SFI1: variants seen among roughly 807,000 people sequenced by gnomAD.
SFI1 encodes protein SFI1 homolog.
Under a neutral mutation model 207.5 loss-of-function variants are expected in SFI1, and 195 were observed. The observed-to-expected ratio is 0.94, with a 90% CI of 0.84 to 1.06. The LOEUF is 1.06. Ranked by LOEUF, SFI1 falls within the 50% of genes least tolerant of loss-of-function variation. The pLI is 0.00. For synonymous variants in SFI1, 630 were observed against 598.9 expected, an observed-to-expected ratio of 1.05 and a Z score of -0.76; for missense variants, 1,634 against 1,588.0, an observed-to-expected ratio of 1.03 and a Z score of -0.49.
chr22:31,596,109 G>A (rs184900996), intron 15 of SFI1, among the ~76,000 whole-genome samples: 9 of 152,092 alleles, frequency 5.9e-5, no homozygotes, highest in East Asian at 1.9e-4. Flanking sequence ...AAAAATTAGC[G>A]GGGCGTGGTG....
At chr22:31,601,071 G>C (rs1221351089) in intron 15 of SFI1, among the ~76,000 whole-genome samples, 1 of 151,090 alleles carries the variant, frequency 6.6e-6, no homozygotes, top group Non-Finnish European at 1.5e-5. Flanking sequence ...ATGGTGATCT[G>C]TAGGCCTAGG....
At chr22:31,611,463 C>T (rs946521021) in intron 23 of SFI1, among the ~76,000 whole-genome samples, 160 bp downstream of exon 23, 2 of 152,196 alleles carry the variant, frequency 1.3e-5, no homozygotes, top group Non-Finnish European at 2.9e-5. Flanking sequence ...GCTGCAGGAG[C>T]CTTTCTGGGC....
rs540721879 is a variant in SFI1, at chr22:31,613,308, G to A, written c.2566-46G>A. On this transcript the variant is annotated intron_variant, in intron 25 of 32. Transcript: ENST00000400288. Reference sequence around the variant, plus strand: ...GGGAGGGCACCTGGTCTGTGGGGGAGCTCTAAGCAGGGAGACCTGGGCCTC... The same window carrying A: ...GGGAGGGCACCTGGTCTGTGGGGGAACTCTAAGCAGGGAGACCTGGGCCTC... 9 of 1,603,938 alleles carry A rather than the reference G, an allele frequency of 5.6e-6. No individual in the cohort carries two copies. The South Asian group carries it at 8.8e-5, about 16-fold the overall frequency.
At position 31,604,960 on chromosome 22, in the gene SFI1, C is replaced by A. The variant is rs368746019; in HGVS notation, c.2054+15C>A. ...CAGCTGCTGCGGTGAGTCTCCCGGG[C>A]GCCTCCCAAGCTCCAGCTGGGGAAC... On this transcript the variant is annotated intron_variant, in intron 20 of 32. Coordinates refer to ENST00000400288, the MANE Select transcript of SFI1 (RefSeq NM_001007467.3). 2 of 1,583,272 alleles carry A rather than the reference C, an allele frequency of 1.3e-6. No individual in the cohort carries two copies. Among genetic ancestry groups the A allele is most frequent in the South Asian group, 2.3e-5 (2 of 87,100 alleles).
chr22:31,597,331 T>C (rs2067300070), intron 15 of SFI1, among the ~76,000 whole-genome samples: 2 of 152,154 alleles, frequency 1.3e-5, no homozygotes, highest in African/African-American at 4.8e-5. Context: ...TGCAGGACGG[T>C]GTAGGCCTGA....
intron 3 of SFI1, among the ~76,000 whole-genome samples, chr22:31,530,048 T>C (rs2058322764): frequency 6.6e-6 from 1 of 150,504 alleles, no homozygotes; most frequent in Non-Finnish European, 1.5e-5. Context: ...CAGGTGCCTG[T>C]AGTCGCAGAT....
intron 4 of SFI1, chr22:31,538,710 C>T (rs1370490248): frequency 6.6e-6 from 1 of 152,186 alleles, no homozygotes; most frequent in Non-Finnish European, 1.5e-5. Flanking sequence ...GAATACCTTT[C>T]TTCTCCCAGG....
In SFI1 at chr22:31,517,168, A is replaced by AT. The variant is rs539042269; in HGVS notation, c.92+8795dup. On this transcript the variant is annotated intron_variant, in intron 2 of 32. Coordinates refer to ENST00000400288, the MANE Select transcript of SFI1 (RefSeq NM_001007467.3). ...AGAAAAAAAAATTTAACTTAGTAAAATTTGTGTCTTTTCCTTTATAATTAA... is the reference window on the plus strand; with the variant it reads ...AGAAAAAAAAATTTAACTTAGTAAAATTTTGTGTCTTTTCCTTTATAATTAA... Among the ~76,000 whole-genome samples, 115 of 152,150 alleles carry AT rather than the reference A, an allele frequency of 7.6e-4. 1 individual carries two copies. The highest frequency in any genetic ancestry group is 2.7e-3 in the African/African-American group (114 of 41,484).
chr22:31,581,162 G>A (rs1471626205), intron 12 of SFI1, among the ~76,000 whole-genome samples: 4 of 150,630 alleles, frequency 2.7e-5, no homozygotes, highest in Non-Finnish European at 5.9e-5. Context: ...TGTATTTTTT[G>A]TAGATGGGGT....
In SFI1 at chr22:31,613,232, C is replaced by T; in HGVS notation, c.2565+16C>T. On this transcript the variant is annotated intron_variant, in intron 25 of 32. Coordinates refer to ENST00000400288, the MANE Select transcript of SFI1 (RefSeq NM_001007467.3). ...GCAGGCAAAGGTAATTGGGGCTCTG[C>T]ATCCTACCATCCCTGCCTCTCCCTC... 3 of 1,613,394 alleles carry T rather than the reference C, an allele frequency of 1.9e-6. No homozygotes were observed. The highest frequency in any genetic ancestry group is 2.5e-6 in the Non-Finnish European group (3 of 1,179,946).
At position 31,613,939 on chromosome 22, in the gene SFI1, C is replaced by T. The variant is rs950133364; in HGVS notation, c.2996+84C>T. The T allele has an allele frequency of 8.3e-6, 12 of 1,453,542 alleles. 1 individual carries two copies. Among genetic ancestry groups the T allele is most frequent in the South Asian group, 7.1e-5 (5 of 70,504 alleles). 90.0% of individuals were successfully genotyped at this position (1,453,542 alleles called of 1,614,324 possible). On this transcript the variant is annotated intron_variant, in intron 27 of 32. Transcript: ENST00000400288. Reference sequence around the variant, plus strand: ...ATAGCAGGGAGGAAAACAGCCCTGACGGGATGGGACGGGCTGGTCACGGCC... The same window carrying T: ...ATAGCAGGGAGGAAAACAGCCCTGATGGGATGGGACGGGCTGGTCACGGCC...
In SFI1 at chr22:31,597,720, G is replaced by A. The variant is rs955919518; in HGVS notation, c.1545-4492G>A. Among the ~76,000 whole-genome samples, 10 of 152,246 alleles carry A rather than the reference G, an allele frequency of 6.6e-5. No individual in the cohort carries two copies. In the South Asian group the frequency reaches 8.3e-4, roughly 13 times the overall value. On this transcript the variant is annotated intron_variant, in intron 15 of 32. Transcript: ENST00000400288. ...TCTCATGGTAAGTACATTTTCAGAG[G>A]ATTGGTTTGGAGTTTAGCAAATTAA...
Position 31,584,124 on chromosome 22 carries a change from T to C in SFI1, c.1346+152T>C, listed in dbSNP as rs1051058636. 3.4e-5 allele frequency: 23 copies of C among 671,650 alleles called. 1 individual carries two copies. The Admixed American group carries it at 5.8e-4, about 17-fold the overall frequency. The allele number at this position is 671,650 out of a possible 1,614,324, so 41.6% of individuals were successfully genotyped here. ...GGTCCTGCTGTAAACCATTTGTTCCTGACTTTGGGTTTTTGGCTGATCAGA... is the reference window on the plus strand; with the variant it reads ...GGTCCTGCTGTAAACCATTTGTTCCCGACTTTGGGTTTTTGGCTGATCAGA... On this transcript the variant is annotated intron_variant, in intron 13 of 32. Transcript: ENST00000400288.
intron 2 of SFI1, among the ~76,000 whole-genome samples, chr22:31,516,685 T>G (rs2056555570): frequency 6.6e-6 from 1 of 151,728 alleles, no homozygotes; most frequent in Non-Finnish European, 1.5e-5. Flanking sequence ...CCAGGAGTGG[T>G]GGTTCATGCC....
chr22:31,516,380 G>A (rs1433500509), intron 2 of SFI1, among the ~76,000 whole-genome samples: 3 of 151,620 alleles, frequency 2.0e-5, no homozygotes, highest in African/African-American at 4.9e-5. Context: ...GGGTATTGTG[G>A]TGTGTGCCTG....
intron 15 of SFI1, among the ~76,000 whole-genome samples, chr22:31,590,927 T>G (rs550400523): frequency 6.6e-6 from 1 of 151,268 alleles, no homozygotes; most frequent in African/African-American, 2.4e-5. Flanking sequence ...TACTACTGGC[T>G]TTTCTATATT....
Position 31,604,406 on chromosome 22 carries a change from T to TA in SFI1, c.1977+3dup. On this transcript the variant is annotated splice_region_variant and intron_variant, in intron 19 of 32. Coordinates refer to ENST00000400288, the MANE Select transcript of SFI1 (RefSeq NM_001007467.3). ...CACAGGGCGCTGCAGGCATGGGTGG[T>TA]AGGAACTGCTGCTTCCCTCCTGATC... 1 of 1,522,302 alleles carries TA rather than the reference T, an allele frequency of 6.6e-7. No homozygotes were observed. The highest frequency in any genetic ancestry group is 8.8e-7 in the Non-Finnish European group (1 of 1,137,404). The allele number at this position is 1,522,302 out of a possible 1,614,324, so 94.3% of individuals were successfully genotyped here. A position where few individuals can be genotyped will look rare whatever the true frequency, so the allele number is the denominator to read the frequency against.
At chr22:31,530,827 TGACA>T in intron 3 of SFI1, 2 of 533,218 alleles carry the variant, frequency 3.8e-6, no homozygotes, top group Non-Finnish European at 6.8e-6. Flanking sequence ...ATCTCTTCAC[TGACA>T]ATTTATGTTG....
chr22:31,573,671 CAGGTGA>C (rs1345964274), intron 9 of SFI1, among the ~76,000 whole-genome samples: 1 of 152,176 alleles, frequency 6.6e-6, no homozygotes, highest in Non-Finnish European at 1.5e-5. Context: ...CTCCTGACCT[CAGGTGA>C]TCCGCCTGCC....
Sources: gnomAD v4.1 joint callset for allele counts (sites outside exome capture counted in the v4.1 genomes callset) on GRCh38, gnomAD v4.1.1 for gene constraint, MANE v1.5 for transcripts, NCBI Gene and HGNC (gene_info 2026-07-23, HGNC 2026-07-21) for gene names.